The following WWOX variants were observed in gnomAD, a reference collection of about 807,000 sequenced individuals.
The protein encoded by WWOX is WW domain containing oxidoreductase.
Under a neutral mutation model 46.2 loss-of-function variants are expected in WWOX, and 69 were observed. That is an observed-to-expected ratio of 1.49 (90% confidence interval 1.23 to 1.82). The LOEUF is 1.82. WWOX is among the 40% of genes most tolerant of loss of function. WWOX has a pLI of 0.00. For synonymous variants in WWOX, 359 were observed against 202.6 expected, an observed-to-expected ratio of 1.77 and a Z score of -6.56; for missense variants, 919 against 542.6, an observed-to-expected ratio of 1.69 and a Z score of -6.89.
chr16:78,466,146 C>G (rs932492811), intron 8 of WWOX, among the ~76,000 whole-genome samples: 3 of 152,070 alleles, frequency 2.0e-5, no homozygotes, highest in Non-Finnish European at 4.4e-5. Context: ...ATTCTCCTGC[C>G]TCAGCCTTCC....
chr16:79,120,647 C>T (rs959243454), intron 8 of WWOX, among the ~76,000 whole-genome samples: 6 of 152,180 alleles, frequency 3.9e-5, no homozygotes, highest in Admixed American at 1.3e-4. Context: ...TGTTCTTCGC[C>T]CTTCCCGGCT....
chr16:78,583,384 C>G (rs982454131), intron 8 of WWOX, among the ~76,000 whole-genome samples: 1 of 152,146 alleles, frequency 6.6e-6, no homozygotes, highest in Admixed American at 6.5e-5. Context: ...TAGAACCTTA[C>G]CTACTCAAGT....
At chr16:78,985,362 C>G (rs1003275684) in intron 8 of WWOX, among the ~76,000 whole-genome samples, 9 of 152,188 alleles carry the variant, frequency 5.9e-5, no homozygotes, top group African/African-American at 2.2e-4. Context: ...TCCAATGTGC[C>G]TTGTCAACAC....
intron 6 of WWOX, among the ~76,000 whole-genome samples, chr16:78,400,276 G>A (rs1462223724): frequency 6.6e-6 from 1 of 152,144 alleles, no homozygotes; most frequent in Non-Finnish European, 1.5e-5. Context: ...TGCATAAGGT[G>A]ACAAATTACA....
At chr16:78,911,251 C>A (rs1055437406) in intron 8 of WWOX, among the ~76,000 whole-genome samples, 4 of 151,982 alleles carry the variant, frequency 2.6e-5, no homozygotes, top group African/African-American at 9.7e-5. Flanking sequence ...GATTTCCATT[C>A]AAATCTGTTT....
At chr16:78,597,680 G>A (rs545943823) in intron 8 of WWOX, among the ~76,000 whole-genome samples, 8 of 151,700 alleles carry the variant, frequency 5.3e-5, no homozygotes, top group Non-Finnish European at 1.2e-4. Flanking sequence ...AAATTGTGGT[G>A]CCTCAGTGAT....
intron 8 of WWOX, among the ~76,000 whole-genome samples, chr16:78,683,901 A>C (rs145200403): frequency 3.3e-5 from 5 of 152,276 alleles, no homozygotes; most frequent in African/African-American, 1.2e-4. Context: ...TCTAAGAAAA[A>C]GGTTTACTGT....
chr16:78,386,927 A>C lies in WWOX; in HGVS notation c.584A>C (p.Glu195Ala), dbSNP rs2151934166. ...CTCCGTAGCGTGCAGCATTTTGCTGAAGCATTCAAGGCCAAGAATGTGTGA... is the reference window on the plus strand; with the variant it reads ...CTCCGTAGCGTGCAGCATTTTGCTGCAGCATTCAAGGCCAAGAATGTGTGA... Reference protein sequence around the residue: ...ALLRSVQHFAEAFKAKNVPLH... With the variant: ...ALLRSVQHFAAAFKAKNVPLH... The change falls in exon 6 of 9, where the codon GAA (glutamate) becomes GCA (alanine). Residue 195 changes from glutamate to alanine, a missense_variant. Physicochemically the swap from Glu to Ala is moderately radical, Grantham distance 107 (BLOSUM62 -1). Transcript: ENST00000566780. 2.5e-6 allele frequency: 4 copies of C among 1,614,120 alleles called. No individual in the cohort carries two copies. The highest frequency in any genetic ancestry group is 3.4e-6 in the Non-Finnish European group (4 of 1,179,966).
At chr16:78,182,364 T>G (rs1270058404) in intron 5 of WWOX, among the ~76,000 whole-genome samples, 2 of 152,088 alleles carry the variant, frequency 1.3e-5, no homozygotes, top group Non-Finnish European at 2.9e-5. Flanking sequence ...GCCATTCTCT[T>G]TCTTGTTCCA....
At chr16:78,476,547 T>C (rs1278405531) in intron 8 of WWOX, among the ~76,000 whole-genome samples, 1 of 151,980 alleles carries the variant, frequency 6.6e-6, no homozygotes, top group Non-Finnish European at 1.5e-5. Context: ...ACAGCACATG[T>C]CTACATATGT....
Position 78,601,796 on chromosome 16 carries a change from G to C in WWOX, c.1056+169044G>C, listed in dbSNP as rs1049747285. On this transcript the variant is annotated intron_variant, in intron 8 of 8. Coordinates refer to ENST00000566780, the MANE Select transcript of WWOX (RefSeq NM_016373.4). Reference sequence around the variant, plus strand: ...GCAGGCTATTTCAATGATTTTCTCTGCGGAAGAGTAGGGAAAGGTGACATT... The same window carrying C: ...GCAGGCTATTTCAATGATTTTCTCTCCGGAAGAGTAGGGAAAGGTGACATT... Among the ~76,000 whole-genome samples the C allele has an allele frequency of 3.3e-5, 5 of 152,288 alleles. No homozygotes were observed. In the East Asian group the frequency reaches 9.7e-4, roughly 29 times the overall value.
intron 8 of WWOX, among the ~76,000 whole-genome samples, chr16:79,003,853 C>T (rs1375120296): frequency 1.3e-5 from 2 of 152,110 alleles, no homozygotes; most frequent in African/African-American, 2.4e-5. Context: ...GTCCTGAGCT[C>T]ACTGGGATTA....
chr16:78,620,783 A>G (rs1231867099), intron 8 of WWOX, among the ~76,000 whole-genome samples: 2 of 152,158 alleles, frequency 1.3e-5, no homozygotes, highest in African/African-American at 4.8e-5. Flanking sequence ...AAGTGTGTCA[A>G]ATTTATAAAT....
At chr16:78,657,267 A>C (rs2047102852) in intron 8 of WWOX, among the ~76,000 whole-genome samples, 1 of 152,046 alleles carries the variant, frequency 6.6e-6, no homozygotes, top group Non-Finnish European at 1.5e-5. Context: ...GTGAGTGAAG[A>C]CGCTCTTCTC....
intron 8 of WWOX, among the ~76,000 whole-genome samples, chr16:78,539,069 G>A (rs1352195173): frequency 2.0e-5 from 3 of 152,206 alleles, no homozygotes; most frequent in Admixed American, 2.0e-4. Flanking sequence ...TCACAATTTT[G>A]TGTTGCGTAA....
At chr16:78,701,577 C>G (rs1010018229) in intron 8 of WWOX, among the ~76,000 whole-genome samples, 3 of 152,022 alleles carry the variant, frequency 2.0e-5, no homozygotes, top group Non-Finnish European at 4.4e-5. Context: ...CCCCGATATA[C>G]TCAACATATA....
chr16:78,667,759 C>T (rs1163122719), intron 8 of WWOX, among the ~76,000 whole-genome samples: 1 of 150,838 alleles, frequency 6.6e-6, no homozygotes, highest in Non-Finnish European at 1.5e-5. Context: ...TTCAAATGAA[C>T]TCATTTGAGA....
At chr16:78,581,378 A>T (rs996411010) in intron 8 of WWOX, among the ~76,000 whole-genome samples, 1 of 152,212 alleles carries the variant, frequency 6.6e-6, no homozygotes, top group African/African-American at 2.4e-5. Context: ...ATATGAATAG[A>T]TAATACAGAA....
chr16:78,460,072 G>T (rs1359983387), intron 8 of WWOX, among the ~76,000 whole-genome samples: 4 of 152,154 alleles, frequency 2.6e-5, no homozygotes, highest in African/African-American at 9.6e-5. Flanking sequence ...CTCCCAAAGT[G>T]CTGGGATTAC....
Sources: allele counts gnomAD v4.1 joint callset (sites outside exome capture counted in the v4.1 genomes callset), GRCh38; gene constraint gnomAD v4.1.1; transcripts MANE v1.5; gene names NCBI Gene and HGNC (gene_info 2026-07-23, HGNC 2026-07-21).